NRXN1: variants seen among roughly 807,000 people sequenced by gnomAD.
NRXN1 encodes neurexin 1.
In NRXN1, 39 loss-of-function variants were observed where a neutral mutation model predicts 150.9. The ratio of observed to expected loss-of-function variants is 0.26; its 90% CI spans 0.20 to 0.34. NRXN1 has a LOEUF of 0.34. Among genes scored for constraint, NRXN1 ranks in the 10% least tolerant of loss-of-function variants. The probability of loss-of-function intolerance (pLI) is 1.00; values close to 1 mark genes in which losing one functional copy is unlikely to be tolerated. For synonymous variants in NRXN1, 924 were observed against 757.0 expected, an observed-to-expected ratio of 1.22 and a Z score of -3.62; for missense variants, 1,815 against 1,949.9, an observed-to-expected ratio of 0.93 and a Z score of 1.30.
chr2:49,978,001 A>C (rs1254731496), intron 21 of NRXN1, among the ~76,000 whole-genome samples: 1 of 152,058 alleles, frequency 6.6e-6, no homozygotes, highest in Non-Finnish European at 1.5e-5. Context: ...GTCTCTACTA[A>C]AAACACAAAA....
intron 5 of NRXN1, among the ~76,000 whole-genome samples, chr2:50,897,943 T>A (rs1024655141): frequency 2.6e-5 from 4 of 152,186 alleles, no homozygotes; most frequent in African/African-American, 9.7e-5. Flanking sequence ...AACATAATAG[T>A]CATAATTGAT....
chr2:50,495,369 TGTGTGTGTGTG>T (rs1360336970), intron 15 of NRXN1, among the ~76,000 whole-genome samples: 6 of 7,102 alleles, frequency 8.4e-4, no homozygotes, highest in South Asian at 5.5e-3. Context: ...TGTGTGTGTG[TGTGTGTGTGTG>T]GTGTGTGTGT....
intron 21 of NRXN1, among the ~76,000 whole-genome samples, chr2:49,974,740 A>T (rs1678645648): frequency 6.7e-6 from 1 of 148,404 alleles, no homozygotes; most frequent in Non-Finnish European, 1.5e-5. Context: ...CAACATTAAG[A>T]AATACATTCT....
intron 5 of NRXN1, among the ~76,000 whole-genome samples, chr2:50,638,596 C>T (rs188777544): frequency 1.1e-4 from 17 of 152,230 alleles, no homozygotes; most frequent in African/African-American, 4.1e-4. Flanking sequence ...TCAGAGTGAG[C>T]GTTCTCTGGT....
At chr2:49,999,456 G>A (rs994307736) in intron 21 of NRXN1, among the ~76,000 whole-genome samples, 1 of 152,072 alleles carries the variant, frequency 6.6e-6, no homozygotes, top group Non-Finnish European at 1.5e-5. Context: ...GAGGAACCAA[G>A]TCTTACATAT....
chr2:49,965,089 A>G (rs766083544), intron 21 of NRXN1, among the ~76,000 whole-genome samples: 14 of 152,072 alleles, frequency 9.2e-5, no homozygotes, highest in Middle Eastern at 3.4e-3. Context: ...CACGTTTCCC[A>G]GGCTGGTCTC....
chr2:50,880,535 A>C (rs934288329), intron 5 of NRXN1, among the ~76,000 whole-genome samples: 1 of 152,034 alleles, frequency 6.6e-6, no homozygotes, highest in African/African-American at 2.4e-5. Flanking sequence ...TCTTTGTTTT[A>C]GGAGTAATCA....
intron 17 of NRXN1, among the ~76,000 whole-genome samples, chr2:50,436,369 C>T (rs2085437783): frequency 6.6e-6 from 1 of 152,032 alleles, no homozygotes; most frequent in Non-Finnish European, 1.5e-5. Context: ...AGAAGAATCC[C>T]TTTGAACCCA....
chr2:50,229,769 C>G (rs371200583), intron 18 of NRXN1, among the ~76,000 whole-genome samples: 1 of 151,998 alleles, frequency 6.6e-6, no homozygotes, highest in Non-Finnish European at 1.5e-5. Context: ...TATAGGTGAT[C>G]AAAAATAATG....
chr2:50,441,919 G>A (rs1004846632), intron 17 of NRXN1, among the ~76,000 whole-genome samples: 1 of 152,124 alleles, frequency 6.6e-6, no homozygotes, highest in Non-Finnish European at 1.5e-5. Context: ...AGAATCATGG[G>A]ATGATATGAT....
chr2:50,559,573 T>C (rs533856152), intron 8 of NRXN1, among the ~76,000 whole-genome samples: 1 of 152,166 alleles, frequency 6.6e-6, no homozygotes, highest in Admixed American at 6.5e-5. Flanking sequence ...GTGGTAACTA[T>C]ATAATAGGTA....
At chr2:50,504,243 T>C (rs1053082234) in intron 13 of NRXN1, among the ~76,000 whole-genome samples, 2 of 151,706 alleles carry the variant, frequency 1.3e-5, no homozygotes, top group Non-Finnish European at 2.9e-5. Flanking sequence ...CTGACAAAGC[T>C]GGAATATGGA....
intron 17 of NRXN1, among the ~76,000 whole-genome samples, chr2:50,340,908 G>A (rs1213219070): frequency 6.6e-6 from 1 of 152,162 alleles, no homozygotes; most frequent in Non-Finnish European, 1.5e-5. Context: ...CAACAGTAAA[G>A]GAAAGCTGGT....
chr2:50,545,328 T>G (rs1489966360), intron 9 of NRXN1, among the ~76,000 whole-genome samples: 1 of 152,188 alleles, frequency 6.6e-6, no homozygotes, highest in African/African-American at 2.4e-5. Flanking sequence ...GTTGTAAATA[T>G]CAATCAAATA....
intron 5 of NRXN1, among the ~76,000 whole-genome samples, chr2:50,661,499 T>C (rs896058282): frequency 6.6e-6 from 1 of 152,070 alleles, no homozygotes; most frequent in Non-Finnish European, 1.5e-5. Context: ...CAACTATAGC[T>C]TATTAATGGC....
chr2:50,849,592 G>A (rs1286058788), intron 5 of NRXN1, among the ~76,000 whole-genome samples: 8 of 151,962 alleles, frequency 5.3e-5, no homozygotes, highest in Non-Finnish European at 1.0e-4. Context: ...CTCTTCTTTT[G>A]TTTCAGCACA....
chr2:50,627,252 C>T (rs900330608), intron 5 of NRXN1, among the ~76,000 whole-genome samples: 6 of 151,440 alleles, frequency 4.0e-5, no homozygotes, highest in Non-Finnish European at 8.9e-5. Flanking sequence ...AAATAGTTAA[C>T]CAGGATCAGT....
chr2:50,080,440 T>C (rs1697784079), intron 19 of NRXN1, among the ~76,000 whole-genome samples: 1 of 152,148 alleles, frequency 6.6e-6, no homozygotes, highest in Non-Finnish European at 1.5e-5. Flanking sequence ...CCTCAATGGA[T>C]ACAGGGGGAT....
chr2:50,623,641 A>T, intron 5 of NRXN1, 26 bp from the exon 6 acceptor site: 1 of 1,543,698 alleles, frequency 6.5e-7, no homozygotes. Context: ...TGATACATAC[A>T]TAAGTAAACA....
Sources: gnomAD v4.1 joint callset for allele counts (sites outside exome capture counted in the v4.1 genomes callset) on GRCh38, gnomAD v4.1.1 for gene constraint, MANE v1.5 for transcripts, NCBI Gene and HGNC (gene_info 2026-07-23, HGNC 2026-07-21) for gene names.